MYO3A: variants seen among roughly 807,000 people sequenced by gnomAD.
The protein encoded by MYO3A is myosin-IIIa.
In MYO3A, 180 loss-of-function variants were observed where a neutral mutation model predicts 192.7. The observed-to-expected ratio is 0.93, with a 90% CI of 0.83 to 1.06. The LOEUF (loss-of-function observed/expected upper bound fraction) is 1.06. MYO3A is among the 50% of genes least tolerant of loss of function. The pLI is 0.00. For synonymous variants in MYO3A, 628 were observed against 645.3 expected (o/e 0.97, Z 0.41); for missense variants, 1,896 against 1,905.0 (o/e 1.00, Z 0.09).
At chr10:26,199,904 A>G (rs1268900278) in intron 32 of MYO3A, among the ~76,000 whole-genome samples, 1 of 152,186 alleles carries the variant, frequency 6.6e-6, no homozygotes, top group Non-Finnish European at 1.5e-5. Context: ...TCTGTAGGAA[A>G]CTACTACTGA....
chr10:26,181,772 CAAA>C (rs754705543), intron 31 of MYO3A, among the ~76,000 whole-genome samples: 2 of 90,372 alleles, frequency 2.2e-5, no homozygotes, highest in Non-Finnish European at 4.5e-5. Flanking sequence ...GCAATATGTC[CAAA>C]AAAAAAAAAA....
chr10:26,070,851 T>C (rs1466115021), intron 14 of MYO3A, among the ~76,000 whole-genome samples: 1 of 151,800 alleles, frequency 6.6e-6, no homozygotes, highest in East Asian at 1.9e-4. Flanking sequence ...CTAAATATTA[T>C]ATGTGCAAGA....
intron 10 of MYO3A, among the ~76,000 whole-genome samples, chr10:26,044,556 A>G (rs1843531576): frequency 6.6e-6 from 1 of 152,202 alleles, no homozygotes; most frequent in Admixed American, 6.5e-5. Context: ...TGCAGTGATA[A>G]GATGGGTTGG....
intron 14 of MYO3A, among the ~76,000 whole-genome samples, chr10:26,084,925 A>G (rs1370274763): frequency 6.6e-6 from 1 of 152,070 alleles, no homozygotes; most frequent in African/African-American, 2.4e-5. Context: ...GGTTTTGATT[A>G]CTTCTTCAAT....
At chr10:26,144,825 G>T (rs974329607) in intron 21 of MYO3A, among the ~76,000 whole-genome samples, 7 of 151,978 alleles carry the variant, frequency 4.6e-5, no homozygotes, top group African/African-American at 1.7e-4. Context: ...AAAATTCTTG[G>T]ATCCCACCCC....
intron 4 of MYO3A, among the ~76,000 whole-genome samples, chr10:25,967,194 C>T (rs1838317245): frequency 6.6e-6 from 1 of 152,092 alleles, no homozygotes; most frequent in Non-Finnish European, 1.5e-5. Context: ...AACTGAAAAC[C>T]CACATAGATA....
chr10:26,153,898 G>A lies in MYO3A; in HGVS notation c.2684G>A (p.Arg895Lys), dbSNP rs1840946277. The A allele has an allele frequency of 5.6e-6, 9 of 1,595,844 alleles. No individual in the cohort carries two copies. The East Asian group carries it at 1.6e-4, about 28-fold the overall frequency. The change falls in exon 24 of 35, where the codon AGG becomes AAG. Residue 895 changes from arginine to lysine, a missense_variant. Transcript: ENST00000642920. ...AAAAATGTTATAAACTATCAAATGA[G>A]GACTTCAGAAAAATTAATCAACCTG... ...KTKNVINYQM[R>K]TSEKLINLAK...
chr10:26,181,486 A>G (rs1842614671), intron 31 of MYO3A, among the ~76,000 whole-genome samples: 1 of 152,208 alleles, frequency 6.6e-6, no homozygotes, highest in Non-Finnish European at 1.5e-5. Flanking sequence ...TAGCGTAGAA[A>G]GAGCTCTTTA....
chr10:26,175,506 C>T (rs768482592), intron 30 of MYO3A, among the ~76,000 whole-genome samples: 40 of 152,234 alleles, frequency 2.6e-4, no homozygotes, highest in Non-Finnish European at 5.0e-4. Context: ...ATCTAATATT[C>T]CTGAGTCCCT....
rs2131396777 is a variant in MYO3A, at chr10:26,071,737, T to TG, written c.1359+1337dup. Among the ~76,000 whole-genome samples the TG allele has an allele frequency of 1.3e-5, 2 of 152,270 alleles. 1 individual carries two copies. The highest frequency in any genetic ancestry group is 4.1e-4 in the South Asian group (2 of 4,828). On this transcript the variant is annotated intron_variant, in intron 14 of 34. Coordinates refer to ENST00000642920, the MANE Select transcript of MYO3A (RefSeq NM_017433.5). ...AACAGTCACTTCACCAAAGAGGATATGTATGGTACGTAAACAAATGAAAAG... is the reference window on the plus strand; with the variant it reads ...AACAGTCACTTCACCAAAGAGGATATGGTATGGTACGTAAACAAATGAAAAG...
chr10:25,955,713 A>G (rs1395180537), intron 4 of MYO3A, among the ~76,000 whole-genome samples: 1 of 152,248 alleles, frequency 6.6e-6, no homozygotes, highest in Non-Finnish European at 1.5e-5. Flanking sequence ...ATTTCTAATA[A>G]AATCTATTAG....
At chr10:26,086,634 AAGGTGGTGCTACCCC>A (rs1300208929) in intron 14 of MYO3A, among the ~76,000 whole-genome samples, 2 of 152,044 alleles carry the variant, frequency 1.3e-5, no homozygotes, top group East Asian at 3.8e-4. Context: ...CTAAAAAAAA[AAGGTGGTGCTACCCC>A]AGGTGTCTGA....
intron 33 of MYO3A, chr10:26,202,702 T>C (rs904101297): frequency 3.2e-5 from 13 of 404,860 alleles, no homozygotes; most frequent in African/African-American, 2.6e-4. Flanking sequence ...AACCACTAGT[T>C]TGGTGCCAAG....
chr10:26,114,638 C>T (rs1838395826), intron 17 of MYO3A, among the ~76,000 whole-genome samples: 1 of 152,266 alleles, frequency 6.6e-6, no homozygotes, highest in East Asian at 1.9e-4. Flanking sequence ...GATTAAGAGA[C>T]ATAAAACAAA....
chr10:26,110,859 GTTTTC>G (rs1358484700), intron 17 of MYO3A, among the ~76,000 whole-genome samples: 1 of 148,226 alleles, frequency 6.7e-6, no homozygotes, highest in African/African-American at 2.5e-5. Context: ...CGTTTTTTGG[GTTTTC>G]TTTTCTTTTT....
intron 10 of MYO3A, among the ~76,000 whole-genome samples, chr10:26,062,530 A>AAAAAAAAAAAAAAAAACT (rs1554816581): frequency 7.9e-6 from 1 of 125,946 alleles, no homozygotes; most frequent in Admixed American, 8.2e-5. Flanking sequence ...AAAAAAAAAA[A>AAAAAAAAAAAAAAAAACT]AAATTATGGA....
Position 26,211,896 on chromosome 10 carries a change from A to T in MYO3A, c.4784A>T (p.Asn1595Ile), listed in dbSNP as rs781231209. The T allele has an allele frequency of 3.7e-6, 6 of 1,613,846 alleles. No homozygotes were observed. The highest frequency in any genetic ancestry group is 5.1e-6 in the Non-Finnish European group (6 of 1,179,956). Residue 1595 changes from asparagine to isoleucine, a missense_variant, in exon 35 of 35, where the codon AAC (asparagine) becomes ATC (isoleucine). Coordinates refer to ENST00000642920, the MANE Select transcript of MYO3A (RefSeq NM_017433.5). ...GAGGAGGAGAGAGAGCCAGCAGCCAACCCCTACGACTTCAGGAGGCTCCTG... is the reference window on the plus strand; with the variant it reads ...GAGGAGGAGAGAGAGCCAGCAGCCATCCCCTACGACTTCAGGAGGCTCCTG... ...EKEEEREPAA[N>I]PYDFRRLLRK...
At chr10:26,159,207 G>T (rs1021493593) in intron 26 of MYO3A, among the ~76,000 whole-genome samples, 2 of 150,946 alleles carry the variant, frequency 1.3e-5, no homozygotes, top group African/African-American at 4.9e-5. Context: ...AGCCAGGATG[G>T]TCTCCATCTC....
chr10:25,998,909 G>GT (rs1319399222), intron 6 of MYO3A, among the ~76,000 whole-genome samples: 8 of 151,928 alleles, frequency 5.3e-5, no homozygotes, highest in South Asian at 2.1e-4. Context: ...GTTTTGTTTT[G>GT]TTTTTTGAGA....
Sources: allele counts gnomAD v4.1 joint callset (sites outside exome capture counted in the v4.1 genomes callset), GRCh38; gene constraint gnomAD v4.1.1; transcripts MANE v1.5; gene names NCBI Gene and HGNC (gene_info 2026-07-23, HGNC 2026-07-21).